MSRA: variants seen among roughly 807,000 people sequenced by gnomAD.
MSRA encodes mitochondrial peptide methionine sulfoxide reductase.
Under a neutral mutation model 31.3 loss-of-function variants are expected in MSRA, and 54 were observed. The observed-to-expected ratio is 1.73, with a 90% confidence interval of 1.39 to 2.17. The LOEUF (loss-of-function observed/expected upper bound fraction) is 2.17. Among genes scored for constraint, MSRA ranks in the 30% most tolerant of loss-of-function variants. The probability of loss-of-function intolerance (pLI) is 0.00; values close to 1 mark genes in which losing one functional copy is unlikely to be tolerated. For synonymous variants in MSRA, 169 were observed against 116.5 expected (o/e 1.45, Z -2.90); for missense variants, 507 against 300.9 (o/e 1.69, Z -5.07).
At chr8:10,213,904 G>T (rs768512303) in intron 2 of MSRA, among the ~76,000 whole-genome samples, 1 of 152,094 alleles carries the variant, frequency 6.6e-6, no homozygotes, top group South Asian at 2.1e-4. Flanking sequence ...TCACGTCCAG[G>T]CTTTTTGGTG....
intron 1 of MSRA, among the ~76,000 whole-genome samples, chr8:10,121,672 T>C (rs139581904): frequency 0.015 from 2,333 of 151,890 alleles, 23 homozygotes; most frequent in Non-Finnish European, 0.022. Context: ...TCCCTCTCCC[T>C]CTCTCTTTTT....
intron 5 of MSRA, among the ~76,000 whole-genome samples, chr8:10,397,662 G>A (rs911925520): frequency 6.6e-6 from 1 of 152,172 alleles, no homozygotes; most frequent in Non-Finnish European, 1.5e-5. Context: ...AAGACTCTCT[G>A]CAAGTGAAAA....
chr8:10,118,046 A>T (rs771009705), intron 1 of MSRA, among the ~76,000 whole-genome samples: 1 of 152,224 alleles, frequency 6.6e-6, no homozygotes, highest in Non-Finnish European at 1.5e-5. Context: ...AAAGGTGTTG[A>T]TAGGATTTCA....
chr8:10,147,087 T>A (rs1297850455), intron 1 of MSRA, among the ~76,000 whole-genome samples: 3 of 151,862 alleles, frequency 2.0e-5, no homozygotes, highest in Admixed American at 1.3e-4. Context: ...CGAAATCAGG[T>A]GACAAATGTA....
chr8:10,296,716 C>A (rs1053265175), intron 3 of MSRA, among the ~76,000 whole-genome samples: 1 of 152,090 alleles, frequency 6.6e-6, no homozygotes. Context: ...AGATAAAGGC[C>A]CCCCCAGCAT....
intron 5 of MSRA, among the ~76,000 whole-genome samples, chr8:10,340,206 G>T (rs184723878): frequency 9.9e-5 from 15 of 152,220 alleles, no homozygotes; most frequent in Admixed American, 9.2e-4. Flanking sequence ...CCCATTCCCA[G>T]CAGAGCTTGG....
At chr8:10,416,888 A>G (rs994491547) in intron 5 of MSRA, among the ~76,000 whole-genome samples, 38 of 152,126 alleles carry the variant, frequency 2.5e-4, no homozygotes, top group Non-Finnish European at 5.1e-4. Context: ...CAGAGACACA[A>G]CTCAGCTTGT....
intron 2 of MSRA, among the ~76,000 whole-genome samples, chr8:10,232,822 C>G (rs985291622): frequency 6.6e-6 from 1 of 152,224 alleles, no homozygotes; most frequent in East Asian, 1.9e-4. Context: ...AAAATTCTTA[C>G]CAAGTAATGA....
chr8:10,350,013 C>G (rs1035807901), intron 5 of MSRA, among the ~76,000 whole-genome samples: 1 of 152,232 alleles, frequency 6.6e-6, no homozygotes, highest in Non-Finnish European at 1.5e-5. Context: ...AAACAGGCCT[C>G]CCTGAGTAGA....
chr8:10,170,245 C>G (rs2129046030), intron 1 of MSRA, among the ~76,000 whole-genome samples: 1 of 152,102 alleles, frequency 6.6e-6, no homozygotes, highest in East Asian at 1.9e-4. Flanking sequence ...ATGTAGAAAC[C>G]TAATCTCCAA....
intron 1 of MSRA, among the ~76,000 whole-genome samples, chr8:10,079,969 G>A (rs944495311): frequency 6.6e-6 from 1 of 152,176 alleles, no homozygotes; most frequent in Admixed American, 6.5e-5. Context: ...GTAATTTTAA[G>A]TGCTTTCTTG....
chr8:10,172,089 C>G (rs12544798), intron 1 of MSRA, among the ~76,000 whole-genome samples: 29,006 of 152,148 alleles, frequency 0.19, 3,278 homozygotes, highest in East Asian at 0.45. Flanking sequence ...GGAGGAGCCT[C>G]CATTGTAGCC....
intron 1 of MSRA, among the ~76,000 whole-genome samples, chr8:10,144,787 C>T (rs1802999795): frequency 6.6e-6 from 1 of 152,198 alleles, no homozygotes; most frequent in Non-Finnish European, 1.5e-5. Flanking sequence ...TTGCGGCTCA[C>T]AGCTGGCTCA....
chr8:10,166,511 TTGTG>T (rs990867699), intron 1 of MSRA, among the ~76,000 whole-genome samples: 2 of 151,960 alleles, frequency 1.3e-5, no homozygotes, highest in South Asian at 2.1e-4. Context: ...GTATGTGCAT[TTGTG>T]TGTGTGTGCA....
intron 5 of MSRA, among the ~76,000 whole-genome samples, chr8:10,368,345 C>T (rs1035407634): frequency 5.3e-5 from 8 of 152,186 alleles, no homozygotes; most frequent in East Asian, 1.9e-4. Flanking sequence ...AAACAAAACA[C>T]GAATAAGATG....
intron 5 of MSRA, among the ~76,000 whole-genome samples, chr8:10,397,721 G>T (rs7821526): frequency 0.31 from 47,712 of 152,146 alleles, 10,495 homozygotes; most frequent in East Asian, 0.7. Context: ...CAAATTCCAT[G>T]TAAAAATATT....
At chr8:10,249,246 G>A (rs1797790679) in intron 3 of MSRA, among the ~76,000 whole-genome samples, 1 of 152,170 alleles carries the variant, frequency 6.6e-6, no homozygotes, top group Non-Finnish European at 1.5e-5. Context: ...CAGGCAGACA[G>A]TTCTAATTCT....
rs79123196 is a variant in MSRA, at chr8:10,185,676, G to A, written c.143-22157G>A. Among the ~76,000 whole-genome samples the A allele has an allele frequency of 4.6e-5, 7 of 152,246 alleles. No individual in the cohort carries two copies. The East Asian group carries it at 1.4e-3, about 29-fold the overall frequency. Reference sequence around the variant, plus strand: ...TGATCTTCAAGAGCCAGGCCCTGGTGGTATTTTCTGTTTCAGCTACTGTGA... The same window carrying A: ...TGATCTTCAAGAGCCAGGCCCTGGTAGTATTTTCTGTTTCAGCTACTGTGA... On this transcript the variant is annotated intron_variant, in intron 1 of 5. Coordinates refer to ENST00000317173, the MANE Select transcript of MSRA (RefSeq NM_012331.5).
At chr8:10,166,993 G>A (rs1805192443) in intron 1 of MSRA, among the ~76,000 whole-genome samples, 1 of 152,200 alleles carries the variant, frequency 6.6e-6, no homozygotes, top group Non-Finnish European at 1.5e-5. Flanking sequence ...AAGAGGATGA[G>A]GTGACATGGA....
Sources: gnomAD v4.1 joint callset for allele counts (sites outside exome capture counted in the v4.1 genomes callset) on GRCh38, gnomAD v4.1.1 for gene constraint, MANE v1.5 for transcripts, NCBI Gene and HGNC (gene_info 2026-07-23, HGNC 2026-07-21) for gene names.